The following ITPR3 variants were observed in gnomAD, a reference collection of about 807,000 sequenced individuals.
ITPR3 encodes inositol 1,4,5-trisphosphate-gated calcium channel ITPR3.
ITPR3 carries 173 observed loss-of-function variants against 293.2 expected under a neutral mutation model. The ratio of observed to expected loss-of-function variants is 0.59; its 90% CI spans 0.52 to 0.67. ITPR3 has a LOEUF of 0.67. Among genes scored for constraint, ITPR3 ranks in the 30% least tolerant of loss-of-function variants. ITPR3 has a pLI of 0.00. For missense variants in ITPR3, 2,796 were observed against 3,592.1 expected (o/e 0.78, Z 5.66); for synonymous variants, 1,295 against 1,444.4 (o/e 0.90, Z 2.35).
chr6:33,625,229 A>C (rs1358158945), intron 1 of ITPR3, among the ~76,000 whole-genome samples: 7 of 150,922 alleles, frequency 4.6e-5, no homozygotes, highest in African/African-American at 1.7e-4. Flanking sequence ...TCTCTTGAAG[A>C]TCTCTTTTTT....
chr6:33,672,257 G>A lies in ITPR3; in HGVS notation c.2928+29G>A, dbSNP rs772510266. The A allele has an allele frequency of 1.4e-6, 2 of 1,458,174 alleles. No individual in the cohort carries two copies. Among genetic ancestry groups the A allele is most frequent in the East Asian group, 2.5e-5 (1 of 40,278 alleles). 90.3% of individuals were successfully genotyped at this position (1,458,174 alleles called of 1,614,324 possible). A position where few individuals can be genotyped will look rare whatever the true frequency, so the allele number is the denominator to read the frequency against. On this transcript the variant is annotated intron_variant, in intron 22 of 57. Transcript: ENST00000605930. The surrounding 1 kb of genome is among the most constrained non-coding windows in gnomAD (Gnocchi z 5.0). ...CCTGGGCCAGGACCGTGTGGGAGGT[G>A]TTGGGTATAGGGGGAGGGTAATGGG...
In ITPR3 at chr6:33,686,179, G is replaced by A. The variant is rs1357839212; in HGVS notation, c.5794G>A (p.Asp1932Asn). 1.1e-5 allele frequency: 17 copies of A among 1,614,022 alleles called. No individual in the cohort carries two copies. The highest frequency in any genetic ancestry group is 1.4e-5 in the Non-Finnish European group (17 of 1,180,044). Residue 1932 changes from aspartate (D) to asparagine (N), a missense_variant, in exon 42 of 58, where the codon GAC becomes AAC. This residue lies in a region of ITPR3 where 704 missense variants were observed against 797.5 expected (regional missense o/e 0.88). Transcript: ENST00000605930. ...GCTGCTGGGGCTCTACATCAATGAG[G>A]ACAACGTGGGCCTCGTCATCCAGAC... ...LGLLGLYINE[D>N]NVGLVIQTLE...
intron 2 of ITPR3, among the ~76,000 whole-genome samples, chr6:33,647,787 A>G (rs1224856212): frequency 6.6e-6 from 1 of 152,094 alleles, no homozygotes; most frequent in Admixed American, 6.5e-5. Context: ...GGCTGTTTCA[A>G]GTCTTTTATT....
At chr6:33,695,480 G>A in intron 57 of ITPR3, 1 of 581,368 alleles carries the variant, frequency 1.7e-6, no homozygotes, top group Non-Finnish European at 3.1e-6. Flanking sequence ...TCTGTTAGTG[G>A]GCTGGTTTCC....
In ITPR3 at chr6:33,686,150, T is replaced by G. The variant is rs896298968; in HGVS notation, c.5765T>G (p.Leu1922Arg). 2 of 1,614,154 alleles carry G rather than the reference T, an allele frequency of 1.2e-6. No homozygotes were observed. The highest frequency in any genetic ancestry group is 1.7e-6 in the Non-Finnish European group (2 of 1,180,032). ...ATGTGCGGCAGCACCACGGGCGGCC[T>G]GGGGCTGCTGGGGCTCTACATCAAT... The part of the protein sequence containing the change: ...DIMCGSTTGG[L>R]GLLGLYINED... The change falls in exon 42 of 58, where the codon CTG becomes CGG. Residue 1922 changes from leucine (L) to arginine (R), a missense_variant. By Grantham distance (102) the Leu-to-Arg change is moderately radical (BLOSUM62 -2). Around this residue, in one of 8 missense-constraint regions of ITPR3, gnomAD observed 704 missense variants for 797.5 expected, o/e 0.88. Transcript: ENST00000605930.
Position 33,676,769 on chromosome 6 carries a change from T to G in ITPR3, c.3284T>G (p.Val1095Gly). ...RQEAMHTFKQ[V>G]QLLISAQDVE... is the part of the protein sequence containing the mutation. The stretch of plus-strand genomic sequence containing the variant: ...GCCAGGCCCATCCTCCACCTTCAGG[T>G]TCAGCTGCTGATCTCAGCGCAGGAC... Residue 1095 changes from valine (V) to glycine (G), a missense_variant and splice_region_variant, in exon 26 of 58, where the codon GTT (valine) becomes GGT (glycine). Around this residue, in one of 8 missense-constraint regions of ITPR3, gnomAD observed 955 missense variants for 1,180.8 expected, o/e 0.81. Coordinates refer to ENST00000605930, the MANE Select transcript of ITPR3 (RefSeq NM_002224.4). 2 of 1,614,106 alleles carry G rather than the reference T, an allele frequency of 1.2e-6. No individual in the cohort carries two copies. The highest frequency in any genetic ancestry group is 1.7e-6 in the Non-Finnish European group (2 of 1,179,948).
chr6:33,685,513 C>T lies in ITPR3; in HGVS notation c.5462C>T (p.Pro1821Leu). 1 of 1,613,574 alleles carries T rather than the reference C, an allele frequency of 6.2e-7. No individual in the cohort carries two copies. The highest frequency in any genetic ancestry group is 8.5e-7 in the Non-Finnish European group (1 of 1,179,716). Residue 1821 changes from proline to leucine, a missense_variant, in exon 40 of 58, where the codon CCA (proline) becomes CTA (leucine). Coordinates refer to ENST00000605930, the MANE Select transcript of ITPR3 (RefSeq NM_002224.4). Reference protein sequence around the residue: ...LGSQPHEDREPVDPTTKGRVA... With the variant: ...LGSQPHEDRELVDPTTKGRVA... ...AGCCAGCCACATGAGGACCGCGAGC[C>T]AGTCGACCCCACCACCAAAGGTCAG...
At chr6:33,659,145 C>A (rs374459011) in intron 6 of ITPR3, 26 bp downstream of exon 6, 14 of 1,599,634 alleles carry the variant, frequency 8.8e-6, no homozygotes, top group Middle Eastern at 1.8e-4. Context: ...GTCAGCCATG[C>A]AGTGCAGGGA....
At chr6:33,665,349 G>C (rs568158725) in intron 13 of ITPR3, 136 bp downstream of exon 13, 1 of 1,181,332 alleles carries the variant, frequency 8.5e-7, no homozygotes, top group Non-Finnish European at 1.2e-6. Context: ...TGGGGCCCTG[G>C]CTGAGCCTGG....
intron 13 of ITPR3, 37 bp downstream of exon 13, chr6:33,665,250 T>G: frequency 6.3e-7 from 1 of 1,599,446 alleles, no homozygotes; most frequent in East Asian, 2.2e-5. Flanking sequence ...CTGAGTGATC[T>G]TGCCCTCCCA....
In ITPR3 at chr6:33,621,471, C is replaced by A; in HGVS notation, c.-132C>A. The stretch of plus-strand genomic sequence containing the variant: ...TCCCGTGGCCGCCAGCCCGCCCCGG[C>A]CGCACCGAGCGTCGGGATCCGAGGT... On this transcript the variant is annotated 5_prime_UTR_variant, in exon 1 of 58. Transcript: ENST00000605930. The surrounding 1 kb of genome is among the most constrained non-coding windows in gnomAD (Gnocchi z 7.7). 1 of 587,484 alleles carries A rather than the reference C, an allele frequency of 1.7e-6. No individual in the cohort carries two copies. The allele number at this position is 587,484 out of a possible 1,614,324, so 36.4% of individuals were successfully genotyped here.
At chr6:33,637,315 G>A (rs1290041353) in intron 1 of ITPR3, among the ~76,000 whole-genome samples, 2 of 152,132 alleles carry the variant, frequency 1.3e-5, no homozygotes, top group Admixed American at 6.5e-5. Context: ...TTAATAATTT[G>A]CTAGAATGGC....
At position 33,668,960 on chromosome 6, in the gene ITPR3, C is replaced by T. The variant is rs751955055; in HGVS notation, c.2007-14C>T. 2.7e-5 allele frequency: 43 copies of T among 1,611,542 alleles called. No homozygotes were observed. The highest frequency in any genetic ancestry group is 3.6e-5 in the Non-Finnish European group (42 of 1,179,080). On this transcript the variant is annotated splice_polypyrimidine_tract_variant and intron_variant, in intron 17 of 57. Coordinates refer to ENST00000605930, the MANE Select transcript of ITPR3 (RefSeq NM_002224.4). ...GGACCTGGCTCCCTGTGACAGGTTG[C>T]TGGTGGTCTGCAGGCTTCGGCCCGT... is the stretch of plus-strand genomic sequence containing the variant.
chr6:33,655,860 T>G lies in ITPR3; in HGVS notation c.255T>G (p.Ala85=), dbSNP rs1764294131. 1 of 1,613,872 alleles carries G rather than the reference T, an allele frequency of 6.2e-7. No individual in the cohort carries two copies. ...KQTKQDKEKI[A]DVVLLQKLQH... The stretch of plus-strand genomic sequence containing the variant: ...CTAAGCAGGACAAGGAGAAGATCGC[T>G]GATGTGGTGTTGCTGCAGAAGCTGC... The change falls in exon 3 of 58, where the codon GCT becomes GCG. Residue 85 remains alanine (A), a synonymous_variant. Coordinates refer to ENST00000605930, the MANE Select transcript of ITPR3 (RefSeq NM_002224.4). The surrounding 1 kb of genome is among the most constrained non-coding windows in gnomAD (Gnocchi z 4.9).
At chr6:33,695,615 C>A (rs748096476) in intron 57 of ITPR3, 97 bp from the exon 58 acceptor site, 1 of 1,238,774 alleles carries the variant, frequency 8.1e-7, no homozygotes, top group Non-Finnish European at 1.2e-6. Flanking sequence ...GCAGCTGGGC[C>A]CACAGGGGAA....
chr6:33,676,729 G>T, intron 25 of ITPR3, 39 bp from the exon 26 acceptor site: 3 of 1,610,544 alleles, frequency 1.9e-6, no homozygotes, highest in Non-Finnish European at 2.5e-6. Flanking sequence ...CATGGACCTG[G>T]AGCCCATCTC....
At chr6:33,659,417 C>T (rs778834641) in intron 6 of ITPR3, 49 bp from the exon 7 acceptor site, 2 of 1,529,364 alleles carry the variant, frequency 1.3e-6, no homozygotes, top group Non-Finnish European at 1.8e-6. Context: ...TCTGGGCCCT[C>T]AGTGGCTGGG....
In ITPR3 at chr6:33,675,955, C is replaced by T. The variant is rs1764896733; in HGVS notation, c.3282+99C>T. ...GAGGAGCTCACAGCTCAAGGGGTAA[C>T]TTGGGATGCCCATTTGGGGTTTTCA... On this transcript the variant is annotated intron_variant, in intron 25 of 57. Coordinates refer to ENST00000605930, the MANE Select transcript of ITPR3 (RefSeq NM_002224.4). The surrounding 1 kb of genome is among the most constrained non-coding windows in gnomAD (Gnocchi z 5.0). The T allele has an allele frequency of 5.2e-6, 7 of 1,357,166 alleles. No individual in the cohort carries two copies. The highest frequency in any genetic ancestry group is 2.0e-6 in the Non-Finnish European group (2 of 1,021,752). The allele number at this position is 1,357,166 out of a possible 1,614,324, so 84.1% of individuals were successfully genotyped here. A position where few individuals can be genotyped will look rare whatever the true frequency, so the allele number is the denominator to read the frequency against.
At chr6:33,680,820 C>CA in intron 33 of ITPR3, 140 bp downstream of exon 33, 1 of 569,980 alleles carries the variant, frequency 1.8e-6, no homozygotes, top group Non-Finnish European at 2.6e-6. Context: ...TATTGGTTAT[C>CA]TTTTTTTTTT....
Sources: gnomAD v4.1 joint callset for allele counts (sites outside exome capture counted in the v4.1 genomes callset) on GRCh38, gnomAD v4.1.1 for gene constraint, gnomAD v4.1.1 regional missense constraint, Gnocchi (gnomAD v3.1) non-coding constraint, MANE v1.5 for transcripts, NCBI Gene and HGNC (gene_info 2026-07-23, HGNC 2026-07-21) for gene names.